The following HS2ST1 variants were observed in gnomAD, a reference collection of about 807,000 sequenced individuals.
The protein encoded by HS2ST1 is heparan sulfate 2-O-sulfotransferase 1, also known as 2-O-sulfotransferase.
A neutral mutation model predicts 42.9 loss-of-function variants in HS2ST1; 18 were observed. The observed-to-expected ratio is 0.42, with a 90% CI of 0.29 to 0.62. The LOEUF (loss-of-function observed/expected upper bound fraction) is 0.62, where lower values mean the gene tolerates loss of function less well. Among genes scored for constraint, HS2ST1 ranks in the 20% least tolerant of loss-of-function variants. HS2ST1 has a pLI of 0.21. For missense variants in HS2ST1, 334 were observed against 433.8 expected (o/e 0.77, Z 2.04); for synonymous variants, 146 against 152.9 (o/e 0.95, Z 0.33).
intron 4 of HS2ST1, among the ~76,000 whole-genome samples, chr1:87,096,443 A>G (rs745582417): frequency 6.6e-5 from 10 of 152,076 alleles, no homozygotes; most frequent in Non-Finnish European, 1.5e-4. Flanking sequence ...TATCACCACT[A>G]ATCTCATCAG....
chr1:86,992,655 C>G (rs1648989905), intron 1 of HS2ST1, among the ~76,000 whole-genome samples: 1 of 152,192 alleles, frequency 6.6e-6, no homozygotes, highest in Non-Finnish European at 1.5e-5. Flanking sequence ...AGCCACCGCA[C>G]CTGGCAAATT....
At chr1:87,085,432 TA>T (rs1157407381) in intron 3 of HS2ST1, among the ~76,000 whole-genome samples, 3 of 152,158 alleles carry the variant, frequency 2.0e-5, no homozygotes, top group Admixed American at 1.3e-4. Context: ...ATCATGTAAT[TA>T]AAAAAGAATC....
chr1:86,950,866 A>G (rs923561143), intron 1 of HS2ST1, among the ~76,000 whole-genome samples: 1 of 152,132 alleles, frequency 6.6e-6, no homozygotes, highest in Non-Finnish European at 1.5e-5. Flanking sequence ...TGACCTCTTT[A>G]TGCTGTCTGC....
chr1:87,038,941 T>C (rs1224662617), intron 1 of HS2ST1, among the ~76,000 whole-genome samples: 3 of 152,184 alleles, frequency 2.0e-5, no homozygotes, highest in African/African-American at 7.2e-5. Flanking sequence ...AAAAGTAATC[T>C]ATAATTTTAA....
intron 2 of HS2ST1, among the ~76,000 whole-genome samples, chr1:87,081,264 TCTC>T (rs1381169491): frequency 6.6e-6 from 1 of 152,106 alleles, no homozygotes; most frequent in African/African-American, 2.4e-5. Flanking sequence ...TACACATTCT[TCTC>T]CTCAGCATAT....
intron 2 of HS2ST1, among the ~76,000 whole-genome samples, chr1:87,074,398 A>G (rs1651490566): frequency 6.6e-6 from 1 of 152,214 alleles, no homozygotes. Flanking sequence ...CTGCTTTTCA[A>G]AATATGCTTT....
intron 1 of HS2ST1, among the ~76,000 whole-genome samples, chr1:86,995,383 ATT>A (rs1649069871): frequency 6.6e-6 from 1 of 152,164 alleles, no homozygotes; most frequent in African/African-American, 2.4e-5. Context: ...ATCTGGAATT[ATT>A]TTCACTCTGT....
chr1:87,020,536 A>G (rs1472204101), intron 1 of HS2ST1, among the ~76,000 whole-genome samples: 1 of 152,156 alleles, frequency 6.6e-6, no homozygotes, highest in Admixed American at 6.5e-5. Context: ...TAATTATTTT[A>G]TGGCCCTTTC....
chr1:86,973,140 G>A (rs1344778962), intron 1 of HS2ST1, among the ~76,000 whole-genome samples: 1 of 151,770 alleles, frequency 6.6e-6, no homozygotes, highest in Non-Finnish European at 1.5e-5. Flanking sequence ...TTTCTTGGGA[G>A]ACACTTTGAG....
At chr1:87,003,988 G>C (rs1384989838) in intron 1 of HS2ST1, among the ~76,000 whole-genome samples, 1 of 152,096 alleles carries the variant, frequency 6.6e-6, no homozygotes, top group African/African-American at 2.4e-5. Flanking sequence ...CAGCTAACTT[G>C]TTACATTTTT....
chr1:87,080,414 C>T (rs1004584254), intron 2 of HS2ST1, among the ~76,000 whole-genome samples: 5 of 152,222 alleles, frequency 3.3e-5, no homozygotes, highest in African/African-American at 9.6e-5. Context: ...TAGTTTTGAA[C>T]GACTGGATCT....
At chr1:87,084,628 C>T (rs1025179495) in intron 3 of HS2ST1, among the ~76,000 whole-genome samples, 5 of 152,150 alleles carry the variant, frequency 3.3e-5, no homozygotes, top group East Asian at 3.8e-4. Flanking sequence ...CAAAAAAGCT[C>T]TCACTAAGTT....
At chr1:86,980,406 A>G (rs958065073) in intron 1 of HS2ST1, among the ~76,000 whole-genome samples, 3 of 152,216 alleles carry the variant, frequency 2.0e-5, no homozygotes, top group Non-Finnish European at 2.9e-5. Flanking sequence ...ATTTTTAAAA[A>G]TGCTTGTGAA....
chr1:87,076,783 A>T (rs1651554708), intron 2 of HS2ST1, among the ~76,000 whole-genome samples: 1 of 152,202 alleles, frequency 6.6e-6, no homozygotes, highest in South Asian at 2.1e-4. Flanking sequence ...ATTTTTCAAA[A>T]AAAGAATTCT....
At chr1:86,963,873 GGGCGGGGCGGCTGGCCT>G (rs1201559690) in intron 1 of HS2ST1, among the ~76,000 whole-genome samples, 2 of 149,228 alleles carry the variant, frequency 1.3e-5, no homozygotes, top group South Asian at 2.1e-4. Context: ...GTGGCTGGCC[GGGCGGGGCGGCTGGCCT>G]GGCGGGGGCT....
chr1:86,965,347 G>C (rs1324724989), intron 1 of HS2ST1, among the ~76,000 whole-genome samples: 1 of 151,930 alleles, frequency 6.6e-6, no homozygotes, highest in Non-Finnish European at 1.5e-5. Context: ...AACCTCGGTG[G>C]GCTTTTCCCC....
chr1:87,061,504 C>T (rs530354089), intron 1 of HS2ST1, among the ~76,000 whole-genome samples: 11 of 152,122 alleles, frequency 7.2e-5, no homozygotes, highest in African/African-American at 1.7e-4. Flanking sequence ...ATATGACCTT[C>T]GGTATCTGGC....
At chr1:87,007,959 G>A (rs2390226) in intron 1 of HS2ST1, among the ~76,000 whole-genome samples, 137,066 of 152,204 alleles carry the variant, frequency 0.9, 61,962 homozygotes, top group East Asian at 0.99. Context: ...TAAAGTAAAA[G>A]TTATTTTTTT....
chr1:86,975,703 C>A (rs553957106), intron 1 of HS2ST1, among the ~76,000 whole-genome samples: 10 of 152,030 alleles, frequency 6.6e-5, no homozygotes, highest in Admixed American at 3.3e-4. Context: ...TTATTTTATA[C>A]CTTTTACCAA....
Sources: allele counts gnomAD v4.1 joint callset (sites outside exome capture counted in the v4.1 genomes callset), GRCh38; gene constraint gnomAD v4.1.1; transcripts MANE v1.5; gene names NCBI Gene and HGNC (gene_info 2026-07-23, HGNC 2026-07-21).